Variants in SKIC3 observed in about 807,000 individuals in gnomAD.
SKIC3 encodes superkiller complex protein 3.
the SKIC3 span, among the ~76,000 whole-genome samples, chr5:95,505,217 G>C: frequency 6.6e-6 from 1 of 152,040 alleles, no homozygotes; most frequent in Non-Finnish European, 1.5e-5. Flanking sequence ...TTAATGTGTT[G>C]TGGAAATCTT....
the SKIC3 span, among the ~76,000 whole-genome samples, chr5:95,485,431 A>C: frequency 6.6e-6 from 1 of 152,238 alleles, no homozygotes; most frequent in African/African-American, 2.4e-5. Flanking sequence ...CTAATATGGC[A>C]AATTACCTTC....
chr5:95,540,799 G>A, the SKIC3 span: 1 of 1,614,018 alleles, frequency 6.2e-7, no homozygotes, highest in Non-Finnish European at 8.5e-7. Flanking sequence ...TTCCTGCCGT[G>A]TTTTTATCAA....
the SKIC3 span, among the ~76,000 whole-genome samples, chr5:95,501,035 T>C: frequency 6.6e-6 from 1 of 152,122 alleles, no homozygotes; most frequent in African/African-American, 2.4e-5. Flanking sequence ...TTAATACATA[T>C]GTGTCCAAAT....
chr5:95,528,253 A>T, the SKIC3 span: 1 of 1,420,692 alleles, frequency 7.0e-7, no homozygotes, highest in Non-Finnish European at 9.9e-7. Flanking sequence ...TACAATAAGC[A>T]TAAATTTCCA....
At chr5:95,516,240 G>T in the SKIC3 span, 1 of 1,016,236 alleles carries the variant, frequency 9.8e-7, no homozygotes, top group Non-Finnish European at 1.5e-6. Context: ...AGAGCATACT[G>T]GCTAGATAAC....
At chr5:95,505,094 A>G in the SKIC3 span, among the ~76,000 whole-genome samples, 7 of 152,206 alleles carry the variant, frequency 4.6e-5, no homozygotes, top group Non-Finnish European at 8.8e-5. Flanking sequence ...GTTTTTGCCT[A>G]AAGATAAAAG....
chr5:95,519,526 CA>C, the SKIC3 span, among the ~76,000 whole-genome samples: 1 of 151,658 alleles, frequency 6.6e-6, no homozygotes, highest in Non-Finnish European at 1.5e-5. Flanking sequence ...AATATCTTAG[CA>C]AAATTTCTAA....
chr5:95,550,111 C>G, the SKIC3 span, among the ~76,000 whole-genome samples: 1 of 151,856 alleles, frequency 6.6e-6, no homozygotes, highest in South Asian at 2.1e-4. Flanking sequence ...TCATTTTGTA[C>G]GTTTTCACTC....
chr5:95,535,343 C>T, the SKIC3 span, among the ~76,000 whole-genome samples: 1 of 129,984 alleles, frequency 7.7e-6, no homozygotes. Flanking sequence ...AGGAGTCTCG[C>T]TCTTTCGCCC....
chr5:95,529,159 A>G, the SKIC3 span: 6 of 1,431,118 alleles, frequency 4.2e-6, no homozygotes, highest in South Asian at 7.0e-5. Flanking sequence ...ATAGATGAAC[A>G]GCACCAATGC....
the SKIC3 span, chr5:95,516,247 T>C: frequency 5.2e-6 from 6 of 1,160,512 alleles, no homozygotes; most frequent in African/African-American, 6.1e-5. Context: ...ACTGGCTAGA[T>C]AACGATGTGC....
chr5:95,533,373 G>A, the SKIC3 span, among the ~76,000 whole-genome samples: 11 of 152,038 alleles, frequency 7.2e-5, no homozygotes, highest in Non-Finnish European at 1.2e-4. Flanking sequence ...GTGGGAGGGC[G>A]GCTCAGACTT....
At chr5:95,522,256 C>T in the SKIC3 span, 15 of 1,613,626 alleles carry the variant, frequency 9.3e-6, no homozygotes, top group South Asian at 2.2e-5. Flanking sequence ...CTTCTCCTAA[C>T]GATTCCCAAC....
chr5:95,515,012 C>A, the SKIC3 span: 1 of 1,261,690 alleles, frequency 7.9e-7, no homozygotes, highest in Non-Finnish European at 1.1e-6. Flanking sequence ...ATAAGTCAAA[C>A]CTCTCATCAT....
chr5:95,491,014 C>G, the SKIC3 span: 1 of 1,613,914 alleles, frequency 6.2e-7, no homozygotes, highest in Non-Finnish European at 8.5e-7. Context: ...CTGCCATTAG[C>G]CCAGCCCAGA....
chr5:95,498,381 T>C, the SKIC3 span: 1 of 1,614,170 alleles, frequency 6.2e-7, no homozygotes, highest in Non-Finnish European at 8.5e-7. Context: ...TGTGAACAGC[T>C]TTAGATATTT....
the SKIC3 span, among the ~76,000 whole-genome samples, chr5:95,503,396 T>C: frequency 1.3e-5 from 2 of 152,240 alleles, no homozygotes; most frequent in African/African-American, 4.8e-5. Context: ...ACATGTGGGC[T>C]AAGCCCATAT....
chr5:95,505,376 T>G, the SKIC3 span, among the ~76,000 whole-genome samples: 1 of 152,204 alleles, frequency 6.6e-6, no homozygotes, highest in East Asian at 1.9e-4. Context: ...CTTAGATTGT[T>G]TTTGGATACA....
the SKIC3 span, chr5:95,497,348 A>ACCCT: frequency 7.5e-7 from 1 of 1,324,828 alleles, no homozygotes; most frequent in South Asian, 1.3e-5. Context: ...GCCATAGTTT[A>ACCCT]AAATTATCAT....
Sources: allele counts gnomAD v4.1 joint callset (sites outside exome capture counted in the v4.1 genomes callset), GRCh38; gene constraint gnomAD v4.1.1; transcripts MANE v1.5; gene names NCBI Gene and HGNC (gene_info 2026-07-23, HGNC 2026-07-21).